The following EPHA6 variants were observed in gnomAD, a reference collection of about 807,000 sequenced individuals.
EPHA6 encodes the protein EPH receptor A6.
In EPHA6, 50 loss-of-function variants were observed where a neutral mutation model predicts 112.0. The ratio of observed to expected loss-of-function variants is 0.45; its 90% CI spans 0.36 to 0.56. The LOEUF is 0.56. Among genes scored for constraint, EPHA6 ranks in the 20% least tolerant of loss-of-function variants. The probability of loss-of-function intolerance (pLI) is 0.00; values close to 1 mark genes in which losing one functional copy is unlikely to be tolerated. For synonymous variants in EPHA6, 529 were observed against 490.7 expected, an observed-to-expected ratio of 1.08 and a Z score of -1.03; for missense variants, 1,280 against 1,417.4, an observed-to-expected ratio of 0.90 and a Z score of 1.56.
chr3:97,409,084 C>G (rs1213950984), intron 6 of EPHA6, among the ~76,000 whole-genome samples: 1 of 152,032 alleles, frequency 6.6e-6, no homozygotes, highest in Non-Finnish European at 1.5e-5. Context: ...GATGCAGCCA[C>G]TGTAAAATTA....
chr3:96,941,094 G>T (rs182619429), intron 2 of EPHA6, among the ~76,000 whole-genome samples: 1 of 151,960 alleles, frequency 6.6e-6, no homozygotes, highest in Non-Finnish European at 1.5e-5. Context: ...TGCTCTTCTC[G>T]AGGAGTATCT....
At chr3:97,021,394 G>A (rs1194144969) in intron 3 of EPHA6, among the ~76,000 whole-genome samples, 2 of 152,102 alleles carry the variant, frequency 1.3e-5, no homozygotes, top group East Asian at 3.9e-4. Flanking sequence ...CTTACTTCCT[G>A]TGACTACTCT....
chr3:97,169,961 T>G (rs2076647536), intron 3 of EPHA6, among the ~76,000 whole-genome samples: 1 of 152,066 alleles, frequency 6.6e-6, no homozygotes, highest in Non-Finnish European at 1.5e-5. Context: ...GTGGTGCTTG[T>G]CAGGGGGTTT....
intron 5 of EPHA6, among the ~76,000 whole-genome samples, chr3:97,265,688 G>A (rs950547579): frequency 5.9e-5 from 9 of 152,188 alleles, no homozygotes; most frequent in African/African-American, 2.2e-4. Context: ...ACTTTGTGAG[G>A]TTTGCAGGCA....
intron 7 of EPHA6, among the ~76,000 whole-genome samples, chr3:97,456,134 A>T (rs1371676939): frequency 6.6e-6 from 1 of 152,092 alleles, no homozygotes; most frequent in African/African-American, 2.4e-5. Context: ...AAGTAAGCTT[A>T]TTTTTAAGGC....
In EPHA6 at chr3:97,122,071, A is replaced by G. The variant is rs1162348544; in HGVS notation, c.1115-104193A>G. Reference sequence around the variant, plus strand: ...TGCCAGAAATTAAACTTGTTTACATACGTGCCCTCAATAACAAATACAGTA... The same window carrying G: ...TGCCAGAAATTAAACTTGTTTACATGCGTGCCCTCAATAACAAATACAGTA... On this transcript the variant is annotated intron_variant, in intron 3 of 17. Coordinates refer to ENST00000389672, the MANE Select transcript of EPHA6 (RefSeq NM_001080448.3). 3.3e-5 allele frequency among the ~76,000 whole-genome samples: 5 copies of G among 152,116 alleles called. No homozygotes were observed. The East Asian group carries it at 9.6e-4, about 29-fold the overall frequency.
At chr3:97,025,543 A>G (rs1258575876) in intron 3 of EPHA6, among the ~76,000 whole-genome samples, 1 of 152,118 alleles carries the variant, frequency 6.6e-6, no homozygotes, top group African/African-American at 2.4e-5. Flanking sequence ...TCTTCATGAA[A>G]TCTTTGCCCG....
At position 97,646,212 on chromosome 3, in the gene EPHA6, G is replaced by C. The variant is rs1158965593; in HGVS notation, c.2784+8130G>C. 3.3e-6 allele frequency: 5 copies of C among 1,535,722 alleles called. No individual in the cohort carries two copies. The East Asian group carries it at 1.2e-4, about 38-fold the overall frequency. On this transcript the variant is annotated intron_variant, in intron 14 of 17. Coordinates refer to ENST00000389672, the MANE Select transcript of EPHA6 (RefSeq NM_001080448.3). Reference sequence around the variant, plus strand: ...GCAGTGCGAGTCCAGCTCTGGTTATGGTACTGGACTGGTCCTCATGTGGAA... The same window carrying C: ...GCAGTGCGAGTCCAGCTCTGGTTATCGTACTGGACTGGTCCTCATGTGGAA...
chr3:97,412,348 C>A (rs1353294022), intron 6 of EPHA6, among the ~76,000 whole-genome samples: 1 of 152,002 alleles, frequency 6.6e-6, no homozygotes, highest in Non-Finnish European at 1.5e-5. Context: ...CCAAGTTACA[C>A]CTTTAAATTC....
chr3:97,422,864 A>G (rs1005759126), intron 6 of EPHA6, among the ~76,000 whole-genome samples: 1 of 152,324 alleles, frequency 6.6e-6, no homozygotes, highest in Middle Eastern at 3.4e-3. Context: ...AACATACACA[A>G]ATCAATGTGA....
chr3:97,489,634 C>A lies in EPHA6; in HGVS notation c.2200+5575C>A, dbSNP rs540449285. 3.5e-3 allele frequency among the ~76,000 whole-genome samples: 529 copies of A among 149,966 alleles called. 2 individuals carry two copies. Among genetic ancestry groups the A allele is most frequent in the Non-Finnish European group, 5.7e-3 (387 of 67,690 alleles). ...CCGGGAGGCAGAGCTTGCAGTGAGC[C>A]GAGATCGCACCACTGCACTCCAGCC... On this transcript the variant is annotated intron_variant, in intron 10 of 17. Coordinates refer to ENST00000389672, the MANE Select transcript of EPHA6 (RefSeq NM_001080448.3).
At chr3:97,104,595 C>T (rs997615309) in intron 3 of EPHA6, among the ~76,000 whole-genome samples, 11 of 151,882 alleles carry the variant, frequency 7.2e-5, no homozygotes, top group Non-Finnish European at 1.2e-4. Flanking sequence ...AGGATATTGG[C>T]CTGAAGCTTT....
rs529346352 is a variant in EPHA6 at position 96,888,415 on chromosome 3, G to A, written c.450+21526G>A. ...CTCCCTTTTCCACTTCCACAGTTGG[G>A]GGTCACCTGGGTCCTGCAGGAGCAG... is the stretch of plus-strand genomic sequence containing the variant. On this transcript the variant is annotated intron_variant, in intron 2 of 17. Transcript: ENST00000389672. 1.8e-3 allele frequency among the ~76,000 whole-genome samples: 269 copies of A among 152,204 alleles called. 2 individuals carry two copies. Among genetic ancestry groups the A allele is most frequent in the Admixed American group, 7.1e-3 (109 of 15,280 alleles).
At chr3:96,970,073 T>G (rs1361212428) in intron 2 of EPHA6, among the ~76,000 whole-genome samples, 1 of 152,006 alleles carries the variant, frequency 6.6e-6, no homozygotes, top group African/African-American at 2.4e-5. Context: ...ACAGCAAAGA[T>G]AAGTGATTTT....
intron 13 of EPHA6, among the ~76,000 whole-genome samples, chr3:97,623,964 G>A (rs2093834189): frequency 6.6e-6 from 1 of 151,424 alleles, no homozygotes; most frequent in African/African-American, 2.4e-5. Flanking sequence ...GCTCTTCTCT[G>A]TTGGTTATCT....
At chr3:96,994,707 G>GTATATATATA (rs1340605702) in intron 3 of EPHA6, among the ~76,000 whole-genome samples, 27 of 93,292 alleles carry the variant, frequency 2.9e-4, no homozygotes, top group Non-Finnish European at 4.2e-4. Flanking sequence ...GTGTGTGTGT[G>GTATATATATA]TGTATATATA....
intron 3 of EPHA6, among the ~76,000 whole-genome samples, chr3:97,217,524 G>T (rs896646566): frequency 3.3e-5 from 5 of 152,114 alleles, no homozygotes; most frequent in African/African-American, 1.2e-4. Flanking sequence ...CAAGACCGAG[G>T]TATGTGCTGC....
At position 97,135,391 on chromosome 3, in the gene EPHA6, C is replaced by T. The variant is rs548065388; in HGVS notation, c.1115-90873C>T. Among the ~76,000 whole-genome samples the T allele has an allele frequency of 3.3e-5, 5 of 152,248 alleles. No homozygotes were observed. In the East Asian group the frequency reaches 9.7e-4, roughly 29 times the overall value. Reference sequence around the variant, plus strand: ...CTCCTGTTGTTTTTCTTTGAACCATCTCCATCTGAAAAACTGGAAAACCAT... The same window carrying T: ...CTCCTGTTGTTTTTCTTTGAACCATTTCCATCTGAAAAACTGGAAAACCAT... On this transcript the variant is annotated intron_variant, in intron 3 of 17. Transcript: ENST00000389672.
At chr3:97,681,990 TA>T (rs2031897038) in intron 14 of EPHA6, among the ~76,000 whole-genome samples, 1 of 152,138 alleles carries the variant, frequency 6.6e-6, no homozygotes. Flanking sequence ...ATAGCCATTA[TA>T]TAAGCCTGCT....
Sources: gnomAD v4.1 joint callset for allele counts (sites outside exome capture counted in the v4.1 genomes callset) on GRCh38, gnomAD v4.1.1 for gene constraint, MANE v1.5 for transcripts, NCBI Gene and HGNC (gene_info 2026-07-23, HGNC 2026-07-21) for gene names.